Variants in KCNK10 observed in about 807,000 individuals in gnomAD.
The protein encoded by KCNK10 is potassium two pore domain channel subfamily K member 10, also known as potassium channel subfamily K member 10.
Under a neutral mutation model 47.7 loss-of-function variants are expected in KCNK10, and 25 were observed. The observed-to-expected ratio is 0.52, with a 90% CI of 0.38 to 0.73. The LOEUF (loss-of-function observed/expected upper bound fraction) is 0.73, where lower values mean the gene tolerates loss of function less well. Among genes scored for constraint, KCNK10 ranks in the 30% least tolerant of loss-of-function variants. The pLI is 0.00. For missense variants in KCNK10, 563 were observed against 714.5 expected, an observed-to-expected ratio of 0.79 and a Z score of 2.42; for synonymous variants, 303 against 285.6, an observed-to-expected ratio of 1.06 and a Z score of -0.61.
intron 4 of KCNK10, among the ~76,000 whole-genome samples, chr14:88,217,551 A>T (rs1310917239): frequency 6.6e-6 from 1 of 152,062 alleles, no homozygotes; most frequent in Non-Finnish European, 1.5e-5. Flanking sequence ...TTATTTTTTT[A>T]TTTTACTTAA....
At chr14:88,290,709 A>G (rs1887857460) in intron 1 of KCNK10, among the ~76,000 whole-genome samples, 1 of 152,242 alleles carries the variant, frequency 6.6e-6, no homozygotes, top group Non-Finnish European at 1.5e-5. Flanking sequence ...GCAAAGATGA[A>G]AATTTACAGA....
In KCNK10 at chr14:88,183,552, CT is replaced by C. The variant is rs1884438602; in HGVS notation, c.*1982del. On this transcript the variant is annotated 3_prime_UTR_variant, in exon 7 of 7. Transcript: ENST00000319231. ...CCATAGTAAAACTCAACATCCACAC[CT>C]GCATAAACATCGCCTCCCAAGTGAC... 6.6e-6 allele frequency: 1 copy of C among 152,374 alleles called. No individual in the cohort carries two copies. Among genetic ancestry groups the C allele is most frequent in the African/African-American group, 2.4e-5 (1 of 41,456 alleles). 9.4% of individuals were successfully genotyped at this position (152,374 alleles called of 1,614,324 possible). A position where few individuals can be genotyped will look rare whatever the true frequency, so the allele number is the denominator to read the frequency against.
At chr14:88,305,436 A>G (rs897440487) in intron 1 of KCNK10, among the ~76,000 whole-genome samples, 9 of 152,210 alleles carry the variant, frequency 5.9e-5, no homozygotes, top group Non-Finnish European at 1.3e-4. Context: ...AACATGCCTC[A>G]TCAAGCTTCA....
chr14:88,255,189 A>G (rs182825348), intron 2 of KCNK10, among the ~76,000 whole-genome samples: 101 of 152,242 alleles, frequency 6.6e-4, no homozygotes, highest in African/African-American at 2.4e-3. Context: ...CTTGGAGTAA[A>G]AGCTTTATGA....
In KCNK10 at chr14:88,323,092, T is replaced by G; in HGVS notation, c.-294A>C. Reference sequence around the variant, plus strand: ...GGATGAAAGGATGGAGAGGAAGGCTTGGGGAGATGGAAGAGCCAAGCTGCT... The same window carrying G: ...GGATGAAAGGATGGAGAGGAAGGCTGGGGGAGATGGAAGAGCCAAGCTGCT... On this transcript the variant is annotated 5_prime_UTR_variant, in exon 1 of 7. Coordinates refer to ENST00000319231, the MANE Select transcript of KCNK10 (RefSeq NM_138317.3). 1 of 1,223,226 alleles carries G rather than the reference T, an allele frequency of 8.2e-7. No individual in the cohort carries two copies. Among genetic ancestry groups the G allele is most frequent in the Non-Finnish European group, 1.0e-6 (1 of 971,438 alleles). 75.8% of individuals were successfully genotyped at this position (1,223,226 alleles called of 1,614,324 possible).
intron 1 of KCNK10, among the ~76,000 whole-genome samples, chr14:88,299,130 A>G (rs1176543238): frequency 6.6e-6 from 1 of 152,110 alleles, no homozygotes; most frequent in Admixed American, 6.5e-5. Flanking sequence ...CTCCCACTTC[A>G]TACTTTGGTT....
intron 3 of KCNK10, among the ~76,000 whole-genome samples, chr14:88,227,985 C>A (rs760142750): frequency 3.3e-5 from 5 of 152,008 alleles, no homozygotes; most frequent in Non-Finnish European, 5.9e-5. Context: ...GTAATGGGTA[C>A]CCCATATTAA....
rs546904601 is a variant in KCNK10 at position 88,218,014 on chromosome 14, C to T, written c.681+9361G>A. 1.7e-3 allele frequency among the ~76,000 whole-genome samples: 255 copies of T among 152,068 alleles called. 1 individual carries two copies. The highest frequency in any genetic ancestry group is 5.8e-3 in the African/African-American group (240 of 41,508). The stretch of plus-strand genomic sequence containing the variant: ...CTGGGATTACAGGCATGAGCCACCA[C>T]GCCCGGCTCGATTTTCTTTTTTTTT... On this transcript the variant is annotated intron_variant, in intron 4 of 6. Transcript: ENST00000319231.
chr14:88,260,189 C>T lies in KCNK10; in HGVS notation c.402+3013G>A, dbSNP rs1383681681. Among the ~76,000 whole-genome samples the T allele has an allele frequency of 6.6e-6, 1 of 152,200 alleles. No individual in the cohort carries two copies. The highest frequency in any genetic ancestry group is 1.5e-5 in the Non-Finnish European group (1 of 68,036). The stretch of plus-strand genomic sequence containing the variant: ...AACTCCTGATCTCAGGTCATCCACC[C>T]ACCTTGGCCTCCCAAAGTGCTGGGA... On this transcript the variant is annotated intron_variant, in intron 2 of 6. Coordinates refer to ENST00000319231, the MANE Select transcript of KCNK10 (RefSeq NM_138317.3). The surrounding 1 kb of genome is among the most constrained non-coding windows in gnomAD (Gnocchi z 4.5).
chr14:88,243,369 C>T (rs1303649120), intron 2 of KCNK10, among the ~76,000 whole-genome samples: 1 of 152,134 alleles, frequency 6.6e-6, no homozygotes, highest in African/African-American at 2.4e-5. Context: ...TTAACTTGTC[C>T]TAGGTCACCC....
chr14:88,281,447 G>C (rs1471785446), intron 1 of KCNK10, among the ~76,000 whole-genome samples: 1 of 152,156 alleles, frequency 6.6e-6, no homozygotes, highest in Admixed American at 6.5e-5. Flanking sequence ...GACATAGGTG[G>C]TCCACATCCT....
intron 4 of KCNK10, among the ~76,000 whole-genome samples, chr14:88,218,194 C>T (rs1885685702): frequency 6.6e-6 from 1 of 152,168 alleles, no homozygotes; most frequent in South Asian, 2.1e-4. Context: ...AACCCTTTTG[C>T]TGCTGAATGC....
chr14:88,305,926 G>A (rs1176205421), intron 1 of KCNK10, among the ~76,000 whole-genome samples: 1 of 152,144 alleles, frequency 6.6e-6, no homozygotes, highest in Non-Finnish European at 1.5e-5. Context: ...GGGTGTTTAC[G>A]CACCATCTTC....
At chr14:88,255,173 C>A (rs961375029) in intron 2 of KCNK10, among the ~76,000 whole-genome samples, 7 of 152,192 alleles carry the variant, frequency 4.6e-5, no homozygotes, top group African/African-American at 1.7e-4. Context: ...TCCCTCCAGC[C>A]TTTTCCTTGG....
chr14:88,208,153 G>T (rs561639318), intron 4 of KCNK10, among the ~76,000 whole-genome samples: 1 of 152,218 alleles, frequency 6.6e-6, no homozygotes, highest in South Asian at 2.1e-4. Flanking sequence ...TTGGTTGGTG[G>T]GTTCCTTTTT....
At chr14:88,240,651 C>T (rs1886428298) in intron 3 of KCNK10, 52 bp downstream of exon 3, 2 of 1,155,598 alleles carry the variant, frequency 1.7e-6, no homozygotes, top group Admixed American at 1.7e-5. Context: ...GACTAAGCGC[C>T]CTTACTCAAG....
chr14:88,284,879 T>C (rs1200479098), intron 1 of KCNK10, among the ~76,000 whole-genome samples: 1 of 152,216 alleles, frequency 6.6e-6, no homozygotes, highest in Non-Finnish European at 1.5e-5. Flanking sequence ...CTGTTCACTC[T>C]CATCTATAAA....
At chr14:88,326,590 TGGC>T, upstream of KCNK10, 3 of 685,318 alleles carry the variant, frequency 4.4e-6, no homozygotes, top group Non-Finnish European at 7.5e-6. Flanking sequence ...CAAAACATCG[TGGC>T]GCAAAGTCTC....
At position 88,199,715 on chromosome 14, in the gene KCNK10, T is replaced by A. The variant is rs1885038431; in HGVS notation, c.682-7305A>T. 2.6e-5 allele frequency among the ~76,000 whole-genome samples: 4 copies of A among 152,200 alleles called. No individual in the cohort carries two copies. The South Asian group carries it at 6.2e-4, about 24-fold the overall frequency. On this transcript the variant is annotated intron_variant, in intron 4 of 6. Coordinates refer to ENST00000319231, the MANE Select transcript of KCNK10 (RefSeq NM_138317.3). ...GAACACGTAAAAGAGAAGAAAGTTG[T>A]CATATGATCCCTATCCCCACTCCCA...
Sources: allele counts gnomAD v4.1 joint callset (sites outside exome capture counted in the v4.1 genomes callset), GRCh38; gene constraint gnomAD v4.1.1; non-coding constraint Gnocchi (gnomAD v3.1); transcripts MANE v1.5; gene names NCBI Gene and HGNC (gene_info 2026-07-23, HGNC 2026-07-21).